The following ARHGEF18 variants were observed in gnomAD, a reference collection of about 807,000 sequenced individuals.
ARHGEF18 encodes Rho/Rac guanine nucleotide exchange factor 18, also known as rho guanine nucleotide exchange factor 18.
Under a neutral mutation model 155.7 loss-of-function variants are expected in ARHGEF18, and 93 were observed. The observed-to-expected ratio is 0.60, with a 90% CI of 0.50 to 0.71. ARHGEF18 has a LOEUF of 0.71. ARHGEF18 is among the 30% of genes least tolerant of loss of function. ARHGEF18 has a pLI of 0.00. For missense variants in ARHGEF18, 1,593 were observed against 1,816.1 expected (o/e 0.88, Z 2.23); for synonymous variants, 742 against 753.1 (o/e 0.99, Z 0.24).
downstream of ARHGEF18, among the ~76,000 whole-genome samples, chr19:7,475,035 A>G (rs1977193464): frequency 6.6e-6 from 1 of 152,112 alleles, no homozygotes; most frequent in South Asian, 2.1e-4. Flanking sequence ...GGAGTTCAAG[A>G]CCAGCCTGGG....
chr19:7,385,870 T>TCTCTCTCTCTCTCTCTCC lies in ARHGEF18; in HGVS notation c.967+2668_967+2669insTCTCTCTCTCTCTCTCCC, dbSNP rs1555704468. 3.4e-4 allele frequency among the ~76,000 whole-genome samples: 10 copies of TCTCTCTCTCTCTCTCTCC among 29,566 alleles called. 1 individual carries two copies. The highest frequency in any genetic ancestry group is 1.7e-3 in the African/African-American group (9 of 5,294). 19.4% of individuals were successfully genotyped at this position (29,566 alleles called of 152,430 possible). A position where few individuals can be genotyped will look rare whatever the true frequency, so the allele number is the denominator to read the frequency against. On this transcript the variant is annotated intron_variant, in intron 10 of 28. Transcript: ENST00000668164. ...CTCTCTCTCTCTCTCTCTCTCTCTC[T>TCTCTCTCTCTCTCTCTCC]CCCCCCTCCCTCTCTCCCTCCCTCC... is the stretch of plus-strand genomic sequence containing the variant.
rs1206962109 is a variant in ARHGEF18, at chr19:7,470,263, G to A, written c.4051G>A (p.Glu1351Lys). The change falls in exon 29 of 29, where the codon GAG becomes AAG. Residue 1351 changes from glutamate (E) to lysine (K), a missense_variant. Coordinates refer to ENST00000668164, the MANE Select transcript of ARHGEF18 (RefSeq NM_001367823.1). This position sits in a 1 kb window ranked among gnomAD's most constrained non-coding sequence, Gnocchi z 5.9. ...PLPATPLSAK[E>K]DASKEDVIFF ...GCCGGCCACACCACTCAGCGCCAAG[G>A]AGGACGCCAGCAAAGAAGACGTCAT... The A allele has an allele frequency of 6.4e-7, 1 of 1,568,076 alleles. No individual in the cohort carries two copies. Among genetic ancestry groups the A allele is most frequent in the Non-Finnish European group, 8.6e-7 (1 of 1,159,518 alleles).
chr19:7,362,000 A>AGAAGAAGAAGAAGAG (rs1568264186), intron 1 of ARHGEF18, among the ~76,000 whole-genome samples: 2 of 48,656 alleles, frequency 4.1e-5, no homozygotes, highest in Non-Finnish European at 3.7e-5. Flanking sequence ...TGGAAGAAGA[A>AGAAGAAGAAGAAGAG]GAAGAAGAAG....
At chr19:7,409,307 G>A (rs1330899818) in intron 10 of ARHGEF18, among the ~76,000 whole-genome samples, 1 of 129,218 alleles carries the variant, frequency 7.7e-6, no homozygotes, top group Admixed American at 8.7e-5. Context: ...GATCCACCGC[G>A]TCCGGCCGAC....
chr19:7,375,852 C>A lies in ARHGEF18; in HGVS notation c.408C>A (p.Pro136=), dbSNP rs1025280. 1.2e-5 allele frequency: 15 copies of A among 1,234,300 alleles called. No homozygotes were observed. In the African/African-American group the frequency reaches 2.0e-4, roughly 17 times the overall value. The allele number at this position is 1,234,300 out of a possible 1,614,324, so 76.5% of individuals were successfully genotyped here. Residue 136 remains proline (P), a synonymous_variant, in exon 4 of 29, where the codon CCC becomes CCA. Coordinates refer to ENST00000668164, the MANE Select transcript of ARHGEF18 (RefSeq NM_001367823.1). ...TQGCLSGGGT[P]AESPGKECDS... ...GGTGTCTCTCTGGGGGCGGGACCCC[C>A]GCAGAGAGCCCAGGCAAGGTGGGTA...
At chr19:7,355,685 C>G (rs778385025) in intron 1 of ARHGEF18, 12 of 985,474 alleles carry the variant, frequency 1.2e-5, no homozygotes, top group Non-Finnish European at 1.4e-5. Context: ...GTGGCTGAAG[C>G]GGTGGGCCTT....
chr19:7,453,210 C>T (rs764632655), intron 16 of ARHGEF18, among the ~76,000 whole-genome samples: 4 of 151,926 alleles, frequency 2.6e-5, no homozygotes, highest in Non-Finnish European at 5.9e-5. Flanking sequence ...TACCCTCCCC[C>T]CCCCAAAAAA....
chr19:7,451,404 CTT>C (rs35473770), intron 16 of ARHGEF18, 138 bp downstream of exon 16: 21,178 of 369,864 alleles, frequency 0.057, no homozygotes, highest in South Asian at 0.083. Context: ...GGGTTCCTTC[CTT>C]TTTTTTTTTT....
chr19:7,369,662 T>C (rs1297617833), intron 2 of ARHGEF18, among the ~76,000 whole-genome samples: 1 of 152,006 alleles, frequency 6.6e-6, no homozygotes, highest in East Asian at 1.9e-4. Context: ...CCGGGCATTG[T>C]GGCAGGCGCC....
intron 19 of ARHGEF18, among the ~76,000 whole-genome samples, chr19:7,459,586 T>C (rs891099702): frequency 6.6e-6 from 1 of 152,212 alleles, no homozygotes; most frequent in Admixed American, 6.5e-5. Context: ...CCATCCACAG[T>C]AGCTGTAGCT....
intron 12 of ARHGEF18, 29 bp downstream of exon 12, chr19:7,441,794 G>A (rs1481755439): frequency 1.6e-5 from 26 of 1,613,112 alleles, no homozygotes; most frequent in Non-Finnish European, 2.2e-5. Context: ...TCTCGCGGCT[G>A]CCACACAGTT....
Position 7,444,436 on chromosome 19 carries a change from C to T in ARHGEF18, c.1593C>T (p.Gly531=), listed in dbSNP as rs376268013. 8.7e-6 allele frequency: 14 copies of T among 1,613,514 alleles called. No homozygotes were observed. Among genetic ancestry groups the T allele is most frequent in the Admixed American group, 8.3e-5 (5 of 60,020 alleles). ...SDRNYVIQKI[G]DLLVQQFSGE... The stretch of plus-strand genomic sequence containing the variant: ...GGAATTATGTCATCCAGAAAATCGG[C>T]GACCTCCTGGTTCAGCAGGTGGGTG... The change falls in exon 14 of 29, where the codon GGC becomes GGT. Residue 531 remains glycine (G), a synonymous_variant. Coordinates refer to ENST00000668164, the MANE Select transcript of ARHGEF18 (RefSeq NM_001367823.1). The surrounding 1 kb of genome is among the most constrained non-coding windows in gnomAD (Gnocchi z 4.7).
In ARHGEF18 at chr19:7,441,725, G is replaced by A; in HGVS notation, c.1179G>A (p.Leu393=). ...TTAAGCAGACAGCTGATGACTCTCT[G>A]TCCCTTACATCTCCAAACACCGAGT... ...LKFKQTADDS[L]SLTSPNTESI... is the part of the protein sequence containing the mutation. Residue 393 remains leucine, a synonymous_variant, in exon 12 of 29, where the codon CTG becomes CTA. Transcript: ENST00000668164. 6.2e-7 allele frequency: 1 copy of A among 1,614,200 alleles called. No homozygotes were observed. The highest frequency in any genetic ancestry group is 2.2e-5 in the East Asian group (1 of 44,882).
rs548951119 is a variant in ARHGEF18, at chr19:7,368,939, T to A, written c.16-3873T>A. ...GGAGGAAGAGGACGCAGAGGAGGAG[T>A]CAGCAGGGAGAAGGGAGGGAAATGA... On this transcript the variant is annotated intron_variant, in intron 2 of 28. Transcript: ENST00000668164. Among the ~76,000 whole-genome samples the A allele has an allele frequency of 4.7e-4, 69 of 148,312 alleles. 1 individual carries two copies. Among genetic ancestry groups the A allele is most frequent in the Non-Finnish European group, 8.0e-4 (54 of 67,418 alleles).
chr19:7,437,661 T>C (rs1974347040), intron 10 of ARHGEF18, among the ~76,000 whole-genome samples: 1 of 94,178 alleles, frequency 1.1e-5, no homozygotes, highest in Non-Finnish European at 2.2e-5. Context: ...TTTTTTTTTG[T>C]GAGATGGAGT....
At chr19:7,400,113 C>T (rs1033078905) in intron 10 of ARHGEF18, among the ~76,000 whole-genome samples, 1 of 151,998 alleles carries the variant, frequency 6.6e-6, no homozygotes, top group Non-Finnish European at 1.5e-5. Context: ...AATATATATT[C>T]TAAAGGTTTC....
At chr19:7,443,973 G>A (rs546462596) in intron 13 of ARHGEF18, among the ~76,000 whole-genome samples, 4 of 151,840 alleles carry the variant, frequency 2.6e-5, no homozygotes, top group Non-Finnish European at 5.9e-5. Flanking sequence ...AAACCCTCCC[G>A]TGATGGGGAG....
At chr19:7,460,609 C>T (rs1028553919) in intron 20 of ARHGEF18, among the ~76,000 whole-genome samples, 4 of 140,374 alleles carry the variant, frequency 2.8e-5, no homozygotes, top group South Asian at 2.4e-4. Context: ...GATTGGCCTG[C>T]CCTGGACATT....
chr19:7,402,406 G>A (rs1261661572), intron 10 of ARHGEF18, among the ~76,000 whole-genome samples: 6 of 152,124 alleles, frequency 3.9e-5, no homozygotes, highest in African/African-American at 9.7e-5. Flanking sequence ...GCAACTGAGC[G>A]AGACTCTGTC....
Sources: gnomAD v4.1 joint callset for allele counts (sites outside exome capture counted in the v4.1 genomes callset) on GRCh38, gnomAD v4.1.1 for gene constraint, Gnocchi (gnomAD v3.1) non-coding constraint, MANE v1.5 for transcripts, NCBI Gene and HGNC (gene_info 2026-07-23, HGNC 2026-07-21) for gene names.